KCTD16: variants seen among roughly 807,000 people sequenced by gnomAD.
KCTD16 encodes the protein potassium channel tetramerization domain containing 16.
A neutral mutation model predicts 33.2 loss-of-function variants in KCTD16; 13 were observed. That is an observed-to-expected ratio of 0.39 (90% CI 0.25 to 0.62). KCTD16 has a LOEUF of 0.62. KCTD16 is among the 20% of genes least tolerant of loss of function. The probability of loss-of-function intolerance (pLI) is 0.50; values close to 1 mark genes in which losing one functional copy is unlikely to be tolerated. For synonymous variants in KCTD16, 197 were observed against 195.3 expected (o/e 1.01, Z -0.07); for missense variants, 441 against 525.1 (o/e 0.84, Z 1.57).
intron 3 of KCTD16, among the ~76,000 whole-genome samples, chr5:144,418,090 G>A (rs560197304): frequency 1.3e-5 from 2 of 152,262 alleles, no homozygotes; most frequent in East Asian, 1.9e-4. Context: ...GGTGTCTGGA[G>A]TTGTTCGTTC....
intron 3 of KCTD16, among the ~76,000 whole-genome samples, chr5:144,371,877 C>A (rs1751974683): frequency 6.6e-6 from 1 of 152,044 alleles, no homozygotes; most frequent in African/African-American, 2.4e-5. Flanking sequence ...TACTTAATAA[C>A]CTGTAGCCTT....
chr5:144,452,432 C>A (rs1170913219), intron 3 of KCTD16, among the ~76,000 whole-genome samples: 2 of 151,094 alleles, frequency 1.3e-5, no homozygotes, highest in Non-Finnish European at 2.9e-5. Flanking sequence ...TGAATCACAT[C>A]GAACATATAC....
In KCTD16 at chr5:144,411,409, AG is replaced by A. The variant is rs1006002830; in HGVS notation, c.833-62249del. ...TTTACACCCAACTCCTTTTTGACAA[AG>A]GTGTCAAGAACATATGATAGAGAAA... On this transcript the variant is annotated intron_variant, in intron 3 of 3. Transcript: ENST00000512467. 1.5e-4 allele frequency among the ~76,000 whole-genome samples: 23 copies of A among 152,202 alleles called. 1 individual carries two copies. The highest frequency in any genetic ancestry group is 6.5e-5 in the Admixed American group (1 of 15,282).
At chr5:144,260,273 G>A (rs990910535) in intron 3 of KCTD16, among the ~76,000 whole-genome samples, 2 of 152,174 alleles carry the variant, frequency 1.3e-5, no homozygotes, top group Admixed American at 6.5e-5. Context: ...TCAAGAATGA[G>A]CTGTCGTGTG....
At chr5:144,247,787 T>C (rs1204012338) in intron 3 of KCTD16, among the ~76,000 whole-genome samples, 3 of 152,226 alleles carry the variant, frequency 2.0e-5, no homozygotes, top group Admixed American at 6.5e-5. Context: ...AGACTATTTC[T>C]TAATTTTCCC....
At chr5:144,300,384 C>G (rs1299736657) in intron 3 of KCTD16, among the ~76,000 whole-genome samples, 1 of 152,166 alleles carries the variant, frequency 6.6e-6, no homozygotes, top group Non-Finnish European at 1.5e-5. Context: ...GTCCTGAATG[C>G]TGCTGCTAAT....
At chr5:144,435,325 C>T (rs1451135269) in intron 3 of KCTD16, among the ~76,000 whole-genome samples, 1 of 152,172 alleles carries the variant, frequency 6.6e-6, no homozygotes, top group East Asian at 1.9e-4. Context: ...GAATAAGTTG[C>T]TGATAGCAAT....
In KCTD16 at chr5:144,356,616, G is replaced by T. The variant is rs149965671; in HGVS notation, c.833-117044G>T. On this transcript the variant is annotated intron_variant, in intron 3 of 3. Transcript: ENST00000512467. ...ATCCCAGGAGTTTTTATTTACTTAA[G>T]CTGCTTTCTTTGCTAATGGTGATTC... Among the ~76,000 whole-genome samples the T allele has an allele frequency of 1.8e-4, 28 of 152,216 alleles. No individual in the cohort carries two copies. In the East Asian group the frequency reaches 4.4e-3, roughly 24 times the overall value.
At position 144,222,636 on chromosome 5, in the gene KCTD16, GA is replaced by G. The variant is rs544763567; in HGVS notation, c.832+15093del. ...AGAATGGCGATCATTAAAAAGTCAG[GA>G]AACGACAGGTGCTGGAGAGGATGTG... On this transcript the variant is annotated intron_variant, in intron 3 of 3. Transcript: ENST00000512467. Among the ~76,000 whole-genome samples, 5 of 152,220 alleles carry G rather than the reference GA, an allele frequency of 3.3e-5. No individual in the cohort carries two copies. In the South Asian group the frequency reaches 1.0e-3, roughly 32 times the overall value.
At chr5:144,332,517 C>G (rs1752385557) in intron 3 of KCTD16, among the ~76,000 whole-genome samples, 1 of 152,116 alleles carries the variant, frequency 6.6e-6, no homozygotes, top group African/African-American at 2.4e-5. Flanking sequence ...GGACAACATG[C>G]CCAACAGAGG....
At chr5:144,411,412 T>C (rs961917901) in intron 3 of KCTD16, among the ~76,000 whole-genome samples, 1 of 152,158 alleles carries the variant, frequency 6.6e-6, no homozygotes, top group Non-Finnish European at 1.5e-5. Flanking sequence ...TTGACAAAGG[T>C]GTCAAGAACA....
chr5:144,444,190 C>G, intron 3 of KCTD16, among the ~76,000 whole-genome samples: 1 of 150,018 alleles, frequency 6.7e-6, no homozygotes, highest in Non-Finnish European at 1.5e-5. Context: ...ACAAACAAAC[C>G]CCACCCCAAC....
At chr5:144,257,510 A>G (rs1754883570) in intron 3 of KCTD16, among the ~76,000 whole-genome samples, 1 of 151,384 alleles carries the variant, frequency 6.6e-6, no homozygotes. Flanking sequence ...TTTTTTTGAG[A>G]CAGAGTCTCG....
At chr5:144,238,471 A>G (rs186209372) in intron 3 of KCTD16, among the ~76,000 whole-genome samples, 1 of 152,236 alleles carries the variant, frequency 6.6e-6, no homozygotes. Flanking sequence ...TGTCACTTTT[A>G]TACTTTTCCT....
intron 3 of KCTD16, among the ~76,000 whole-genome samples, chr5:144,343,538 A>G (rs1459924082): frequency 4.0e-5 from 6 of 151,764 alleles, no homozygotes; most frequent in Non-Finnish European, 7.4e-5. Flanking sequence ...CAGCTCCTGG[A>G]TTCATTAATT....
chr5:144,274,723 C>T (rs1240893935), intron 3 of KCTD16, among the ~76,000 whole-genome samples: 1 of 152,144 alleles, frequency 6.6e-6, no homozygotes, highest in Non-Finnish European at 1.5e-5. Context: ...TCTATTTCCT[C>T]CTTGAGAGTA....
rs1275134073 is a variant in KCTD16 at position 144,477,867 on chromosome 5, A to G, written c.*3753A>G. The G allele has an allele frequency of 6.6e-6, 1 of 152,076 alleles. No homozygotes were observed. Among genetic ancestry groups the G allele is most frequent in the Non-Finnish European group, 1.5e-5 (1 of 67,974 alleles). 9.4% of individuals were successfully genotyped at this position (152,076 alleles called of 1,614,324 possible). A position where few individuals can be genotyped will look rare whatever the true frequency, so the allele number is the denominator to read the frequency against. On this transcript the variant is annotated 3_prime_UTR_variant, in exon 4 of 4. Coordinates refer to ENST00000512467, the MANE Select transcript of KCTD16 (RefSeq NM_020768.4). ...GGAATTTGACTAGCCTTGGTCTTCT[A>G]GATGATCTTTACTAGAATTAATAAT...
intron 3 of KCTD16, among the ~76,000 whole-genome samples, chr5:144,270,469 T>C (rs1755262424): frequency 6.6e-6 from 1 of 151,670 alleles, no homozygotes; most frequent in Non-Finnish European, 1.5e-5. Context: ...AGAAAATACT[T>C]AGAGACAAAT....
At chr5:144,195,723 C>G (rs990930978) in intron 2 of KCTD16, among the ~76,000 whole-genome samples, 3 of 152,200 alleles carry the variant, frequency 2.0e-5, no homozygotes, top group African/African-American at 7.2e-5. Context: ...TGGAACAGCT[C>G]TAAATGAATT....
Sources: allele counts gnomAD v4.1 joint callset (sites outside exome capture counted in the v4.1 genomes callset), GRCh38; gene constraint gnomAD v4.1.1; transcripts MANE v1.5; gene names NCBI Gene and HGNC (gene_info 2026-07-23, HGNC 2026-07-21).